Variants in SEMA6A observed in about 807,000 individuals in gnomAD.
The protein encoded by SEMA6A is semaphorin-6A.
In SEMA6A, 25 loss-of-function variants were observed where a neutral mutation model predicts 96.8. The observed-to-expected ratio is 0.26, with a 90% CI of 0.19 to 0.36. The LOEUF (loss-of-function observed/expected upper bound fraction) is 0.36, where lower values mean the gene tolerates loss of function less well. Ranked by LOEUF, SEMA6A falls within the 10% of genes least tolerant of loss-of-function variation. The pLI is 1.00. For missense variants in SEMA6A, 1,363 were observed against 1,323.1 expected (o/e 1.03, Z -0.47); for synonymous variants, 612 against 518.0 (o/e 1.18, Z -2.46).
chr5:116,504,824 A>G (rs371435665), intron 2 of SEMA6A, 21 bp downstream of exon 2: 114 of 1,549,904 alleles, frequency 7.4e-5, no homozygotes, highest in Non-Finnish European at 9.6e-5. Flanking sequence ...GGAGACACTG[A>G]GTGAGACCAT....
intron 1 of SEMA6A, among the ~76,000 whole-genome samples, chr5:116,568,696 G>A (rs1209543127): frequency 1.3e-5 from 2 of 152,176 alleles, no homozygotes; most frequent in East Asian, 1.9e-4. Context: ...CTTGGACACA[G>A]GAGGGGACTG....
At position 116,459,889 on chromosome 5, in the gene SEMA6A, A is replaced by T. The variant is rs544857426; in HGVS notation, c.1894+7694T>A. On this transcript the variant is annotated intron_variant, in intron 18 of 18. Transcript: ENST00000343348. ...TTCTGTAACACTCAGCATAAGGTTTACATATAGCACATGTTTGTTCAATTT... is the reference window on the plus strand; with the variant it reads ...TTCTGTAACACTCAGCATAAGGTTTTCATATAGCACATGTTTGTTCAATTT... Among the ~76,000 whole-genome samples the T allele has an allele frequency of 2.0e-5, 3 of 152,282 alleles. No individual in the cohort carries two copies. The East Asian group carries it at 5.8e-4, about 29-fold the overall frequency.
chr5:116,534,192 T>C (rs1759614350), intron 1 of SEMA6A, among the ~76,000 whole-genome samples: 2 of 152,258 alleles, frequency 1.3e-5, no homozygotes, highest in South Asian at 4.1e-4. Flanking sequence ...CTGGATCCTA[T>C]GGCTTTATCT....
intron 2 of SEMA6A, among the ~76,000 whole-genome samples, chr5:116,503,364 A>C (rs1207469711): frequency 6.6e-6 from 1 of 152,174 alleles, no homozygotes; most frequent in Non-Finnish European, 1.5e-5. Context: ...GCTTGGTATA[A>C]GACAATCTTG....
chr5:116,559,254 A>ATTCTCTCCCCCAGCCTGGAAGC (rs1760716897), intron 1 of SEMA6A, among the ~76,000 whole-genome samples: 3 of 152,060 alleles, frequency 2.0e-5, no homozygotes, highest in Admixed American at 2.0e-4. Context: ...CTAGTGAAAG[A>ATTCTCTCCCCCAGCCTGGAAGC]TTCTCTCCCC....
At chr5:116,456,348 C>G (rs1310441219) in intron 18 of SEMA6A, among the ~76,000 whole-genome samples, 2 of 152,170 alleles carry the variant, frequency 1.3e-5, no homozygotes, top group Non-Finnish European at 2.9e-5. Flanking sequence ...ACATGCTGTC[C>G]TGAAATAACA....
At chr5:116,536,378 T>C (rs1227871828) in intron 1 of SEMA6A, 1 of 152,092 alleles carries the variant, frequency 6.6e-6, no homozygotes, top group Non-Finnish European at 1.5e-5. Flanking sequence ...TAACCAGATA[T>C]TTACCATCAG....
intron 1 of SEMA6A, among the ~76,000 whole-genome samples, chr5:116,514,681 C>T (rs1306570614): frequency 1.3e-5 from 2 of 152,192 alleles, no homozygotes. Flanking sequence ...TCTTTCCCTG[C>T]CTTATGCTAC....
At chr5:116,537,256 G>A (rs1247072805) in intron 1 of SEMA6A, among the ~76,000 whole-genome samples, 3 of 152,194 alleles carry the variant, frequency 2.0e-5, no homozygotes, top group African/African-American at 7.2e-5. Flanking sequence ...AGTTAGAACT[G>A]GGAAGGATGT....
At chr5:116,487,202 G>A in intron 9 of SEMA6A, 2 of 460,190 alleles carry the variant, frequency 4.3e-6, no homozygotes, top group East Asian at 8.0e-5. Flanking sequence ...AAATCCTTCA[G>A]GGAATCAGCT....
At chr5:116,537,063 G>C (rs1465500861) in intron 1 of SEMA6A, among the ~76,000 whole-genome samples, 1 of 152,058 alleles carries the variant, frequency 6.6e-6, no homozygotes, top group Non-Finnish European at 1.5e-5. Context: ...CTGGTATTTG[G>C]AACACCTACT....
intron 1 of SEMA6A, among the ~76,000 whole-genome samples, chr5:116,552,135 A>T (rs1760441447): frequency 1.3e-5 from 2 of 152,248 alleles, no homozygotes; most frequent in Admixed American, 1.3e-4. Flanking sequence ...AAGGTGAGCT[A>T]TAGGCTTGTT....
intron 2 of SEMA6A, among the ~76,000 whole-genome samples, chr5:116,503,686 C>A (rs556467275): frequency 3.7e-4 from 56 of 151,566 alleles, no homozygotes; most frequent in Non-Finnish European, 7.1e-4. Flanking sequence ...ATTTTTTTTT[C>A]TTTTGTATTT....
intron 17 of SEMA6A, among the ~76,000 whole-genome samples, chr5:116,470,731 C>G (rs1456779264): frequency 6.6e-6 from 1 of 152,128 alleles, no homozygotes; most frequent in African/African-American, 2.4e-5. Flanking sequence ...GAAATGATCC[C>G]TTTTCCTGGG....
chr5:116,469,742 T>A (rs1258024191), intron 17 of SEMA6A, among the ~76,000 whole-genome samples: 1 of 152,152 alleles, frequency 6.6e-6, no homozygotes, highest in Non-Finnish European at 1.5e-5. Context: ...AGGGGAAATA[T>A]ATGCCTAAGG....
chr5:116,542,790 T>G (rs1760028445), intron 1 of SEMA6A, among the ~76,000 whole-genome samples: 1 of 152,180 alleles, frequency 6.6e-6, no homozygotes, highest in Non-Finnish European at 1.5e-5. Context: ...AACAGCACAG[T>G]GCATAAGGAA....
At chr5:116,459,635 T>A (rs1755246434) in intron 18 of SEMA6A, among the ~76,000 whole-genome samples, 1 of 152,176 alleles carries the variant, frequency 6.6e-6, no homozygotes, top group African/African-American at 2.4e-5. Context: ...CTTCCTCCTG[T>A]GAAATCTAAC....
At chr5:116,559,280 G>C (rs574612339) in intron 1 of SEMA6A, among the ~76,000 whole-genome samples, 1 of 152,144 alleles carries the variant, frequency 6.6e-6, no homozygotes, top group African/African-American at 2.4e-5. Flanking sequence ...TGGAAGCTTG[G>C]GGGGATGAAT....
chr5:116,537,744 GA>G (rs1759781518), intron 1 of SEMA6A, among the ~76,000 whole-genome samples: 1 of 151,652 alleles, frequency 6.6e-6, no homozygotes, highest in African/African-American at 2.4e-5. Context: ...AATACATTTA[GA>G]AAAAAAGAGA....
Sources: allele counts gnomAD v4.1 joint callset (sites outside exome capture counted in the v4.1 genomes callset), GRCh38; gene constraint gnomAD v4.1.1; transcripts MANE v1.5; gene names NCBI Gene and HGNC (gene_info 2026-07-23, HGNC 2026-07-21).